SLC35F1: variants seen among roughly 807,000 people sequenced by gnomAD.
SLC35F1 encodes the protein chromosome 6 open reading frame 169.
SLC35F1 carries 14 observed loss-of-function variants against 48.7 expected under a neutral mutation model. That is an observed-to-expected ratio of 0.29 (90% CI 0.19 to 0.45). The LOEUF is 0.45. Ranked by LOEUF, SLC35F1 falls within the 20% of genes least tolerant of loss-of-function variation. The pLI is 1.00. For synonymous variants in SLC35F1, 190 were observed against 202.2 expected (o/e 0.94, Z 0.51); for missense variants, 404 against 500.0 (o/e 0.81, Z 1.83).
At chr6:118,154,316 A>G (rs1415556409) in intron 1 of SLC35F1, 129 bp from the exon 2 acceptor site, 5 of 753,758 alleles carry the variant, frequency 6.6e-6, no homozygotes, top group Non-Finnish European at 1.1e-5. Context: ...GCTTTGATGG[A>G]CTAAAGGGAA....
chr6:118,207,313 A>G (rs1215672158), intron 2 of SLC35F1, among the ~76,000 whole-genome samples: 2 of 152,254 alleles, frequency 1.3e-5, no homozygotes, highest in Non-Finnish European at 2.9e-5. Context: ...AGGTTAGTAA[A>G]TGAGTCAGAG....
intron 1 of SLC35F1, among the ~76,000 whole-genome samples, chr6:118,067,226 T>G (rs1227186478): frequency 6.6e-6 from 1 of 152,146 alleles, no homozygotes; most frequent in East Asian, 1.9e-4. Context: ...CAAGAGGAAC[T>G]GCAGATTTGT....
At chr6:117,923,729 A>ATATGTATATATGCACG (rs1554216736) in intron 1 of SLC35F1, among the ~76,000 whole-genome samples, 1 of 89,970 alleles carries the variant, frequency 1.1e-5, no homozygotes, top group African/African-American at 4.4e-5. Flanking sequence ...ATATATACAT[A>ATATGTATATATGCACG]TGTATATATA....
rs1438006170 is a variant in SLC35F1 at position 118,314,733 on chromosome 6, G to C, written c.*481G>C. On this transcript the variant is annotated 3_prime_UTR_variant, in exon 8 of 8. Transcript: ENST00000360388. ...ACTATATGAGTGATGCATGCCACAG[G>C]AGCTCCACCCCTGAGAAGTTTCCTT... 6.3e-6 allele frequency: 1 copy of C among 159,984 alleles called. No individual in the cohort carries two copies. The highest frequency in any genetic ancestry group is 1.4e-5 in the Non-Finnish European group (1 of 71,708). 9.9% of individuals were successfully genotyped at this position (159,984 alleles called of 1,614,324 possible). A position where few individuals can be genotyped will look rare whatever the true frequency, so the allele number is the denominator to read the frequency against.
intron 1 of SLC35F1, among the ~76,000 whole-genome samples, chr6:118,128,205 T>C (rs1773656980): frequency 1.4e-5 from 2 of 147,226 alleles, no homozygotes; most frequent in Non-Finnish European, 3.0e-5. Flanking sequence ...ACTTTTACAC[T>C]GTTGGTGGGA....
chr6:117,995,940 T>C (rs949997484), intron 1 of SLC35F1, among the ~76,000 whole-genome samples: 36 of 152,216 alleles, frequency 2.4e-4, no homozygotes, highest in African/African-American at 8.7e-4. Context: ...CAAGAGCAAA[T>C]TACTATTGAA....
chr6:117,912,270 T>G (rs1403940179), intron 1 of SLC35F1, among the ~76,000 whole-genome samples: 1 of 151,046 alleles, frequency 6.6e-6, no homozygotes, highest in Non-Finnish European at 1.5e-5. Context: ...TTCTGAAACC[T>G]TTTTGAATAT....
At chr6:118,067,379 G>C (rs1388358397) in intron 1 of SLC35F1, among the ~76,000 whole-genome samples, 1 of 152,124 alleles carries the variant, frequency 6.6e-6, no homozygotes, top group African/African-American at 2.4e-5. Context: ...TCAAGGTTTA[G>C]GTTGAAACAT....
At chr6:118,064,151 A>T (rs1772581526) in intron 1 of SLC35F1, among the ~76,000 whole-genome samples, 1 of 151,826 alleles carries the variant, frequency 6.6e-6, no homozygotes, top group Admixed American at 6.6e-5. Flanking sequence ...ATGCAGGGAA[A>T]CTCCCATTTT....
intron 4 of SLC35F1, among the ~76,000 whole-genome samples, chr6:118,268,807 A>C (rs1057359477): frequency 6.6e-6 from 1 of 151,836 alleles, no homozygotes; most frequent in East Asian, 1.9e-4. Context: ...ACGGGGTTTC[A>C]TCACATTGAC....
At chr6:117,908,281 C>T (rs1198074769) in intron 1 of SLC35F1, among the ~76,000 whole-genome samples, 2 of 152,204 alleles carry the variant, frequency 1.3e-5, no homozygotes, top group Admixed American at 1.3e-4. Context: ...CCGGCCAGGG[C>T]TGAGGAGGGA....
chr6:118,230,606 T>C (rs990241975), intron 2 of SLC35F1, among the ~76,000 whole-genome samples: 2 of 152,056 alleles, frequency 1.3e-5, no homozygotes, highest in Non-Finnish European at 2.9e-5. Context: ...TAAAAACACA[T>C]GAAAGAAAGT....
intron 1 of SLC35F1, among the ~76,000 whole-genome samples, chr6:117,986,755 AAATGTGAC>A (rs1192173778): frequency 2.0e-5 from 3 of 152,196 alleles, no homozygotes; most frequent in Admixed American, 6.5e-5. Context: ...CTCACTTGTT[AAATGTGAC>A]AGCATCAAAT....
chr6:118,278,454 T>G (rs534299177), intron 6 of SLC35F1, among the ~76,000 whole-genome samples: 1 of 152,308 alleles, frequency 6.6e-6, no homozygotes, highest in African/African-American at 2.4e-5. Context: ...CGTGCATCAC[T>G]TTACCTACCT....
intron 1 of SLC35F1, among the ~76,000 whole-genome samples, chr6:118,115,030 C>A (rs577881094): frequency 1.3e-5 from 2 of 152,272 alleles, no homozygotes; most frequent in Non-Finnish European, 2.9e-5. Context: ...AGGAGGCTAG[C>A]CTTGACCTTA....
At chr6:118,213,621 C>A (rs1775035731) in intron 2 of SLC35F1, among the ~76,000 whole-genome samples, 2 of 152,038 alleles carry the variant, frequency 1.3e-5, no homozygotes, top group African/African-American at 2.4e-5. Context: ...GACTGCTCTG[C>A]AGATTAAAAA....
At chr6:118,293,535 A>G (rs1776149582) in intron 7 of SLC35F1, among the ~76,000 whole-genome samples, 2 of 152,178 alleles carry the variant, frequency 1.3e-5, no homozygotes, top group African/African-American at 2.4e-5. Context: ...CTTACCTCAT[A>G]AAGTAATATA....
intron 1 of SLC35F1, among the ~76,000 whole-genome samples, chr6:118,073,174 G>A (rs886492334): frequency 1.3e-5 from 2 of 152,138 alleles, no homozygotes; most frequent in Admixed American, 1.3e-4. Flanking sequence ...AGCTTCTACT[G>A]TGAAAGAGTC....
intron 3 of SLC35F1, among the ~76,000 whole-genome samples, chr6:118,245,618 G>T (rs1488654606): frequency 6.6e-6 from 1 of 152,144 alleles, no homozygotes; most frequent in Non-Finnish European, 1.5e-5. Context: ...GAATGCATTT[G>T]GTTTCCAACC....
Sources: gnomAD v4.1 joint callset for allele counts (sites outside exome capture counted in the v4.1 genomes callset) on GRCh38, gnomAD v4.1.1 for gene constraint, MANE v1.5 for transcripts, NCBI Gene and HGNC (gene_info 2026-07-23, HGNC 2026-07-21) for gene names.